Variants in DOT1L observed in about 807,000 individuals in gnomAD.
The protein encoded by DOT1L is DOT1 like histone lysine methyltransferase, also known as histone-lysine N-methyltransferase, H3 lysine-79 specific.
DOT1L carries 33 observed loss-of-function variants against 153.3 expected under a neutral mutation model. That is an observed-to-expected ratio of 0.22 (90% CI 0.16 to 0.29). The LOEUF (loss-of-function observed/expected upper bound fraction) is 0.29. DOT1L is among the 10% of genes least tolerant of loss of function. The probability of loss-of-function intolerance (pLI) is 1.00; values close to 1 mark genes in which losing one functional copy is unlikely to be tolerated. For synonymous variants in DOT1L, 1,135 were observed against 965.1 expected (o/e 1.18, Z -3.26); for missense variants, 1,847 against 2,119.9 (o/e 0.87, Z 2.53).
In DOT1L at chr19:2,216,646, G is replaced by C; in HGVS notation, c.2289G>C (p.Leu763=). The C allele has an allele frequency of 6.2e-7, 1 of 1,605,328 alleles. No individual in the cohort carries two copies. Among genetic ancestry groups the C allele is most frequent in the Non-Finnish European group, 8.5e-7 (1 of 1,179,904 alleles). ...SHVGRPRLEK[L]SGLAAPDYTR... is the part of the protein sequence containing the mutation. ...TCGGCCGGCCGCGCCTGGAGAAGCT[G>C]TCTGGCCTAGCCGCACCCGACTACA... The change falls in exon 20 of 28, where the codon CTG becomes CTC. Residue 763 remains leucine, a synonymous_variant. Coordinates refer to ENST00000398665, the MANE Select transcript of DOT1L (RefSeq NM_032482.3).
intron 22 of DOT1L, among the ~76,000 whole-genome samples, chr19:2,218,683 A>G (rs1373007714): frequency 1.4e-5 from 2 of 147,764 alleles, no homozygotes; most frequent in Non-Finnish European, 3.0e-5. Context: ...GTGAGCCACG[A>G]CGTCTGGCCT....
At chr19:2,187,694 G>A (rs575770897) in intron 3 of DOT1L, among the ~76,000 whole-genome samples, 31 of 152,204 alleles carry the variant, frequency 2.0e-4, no homozygotes, top group South Asian at 2.1e-4. Context: ...AGGCCGAGGC[G>A]GATGGATCAC....
In DOT1L at chr19:2,226,494, G is replaced by A; in HGVS notation, c.3973G>A (p.Asp1325Asn). 1.2e-6 allele frequency: 2 copies of A among 1,600,818 alleles called. No individual in the cohort carries two copies. The highest frequency in any genetic ancestry group is 1.7e-6 in the Non-Finnish European group (2 of 1,179,686). The change falls in exon 27 of 28, where the codon GAC becomes AAC. Residue 1325 changes from aspartate to asparagine, a missense_variant. Transcript: ENST00000398665. ...CACCTTCGGCGGGGGCCTGGCCGCG[G>A]ACCTGAGTTTACACAGCTTCAGTGA... ...GCTFGGGLAADLSLHSFSDGA... is the reference protein window; with the variant it reads ...GCTFGGGLAANLSLHSFSDGA...
chr19:2,225,961 C>G (rs1022716711), intron 26 of DOT1L, among the ~76,000 whole-genome samples: 2 of 152,192 alleles, frequency 1.3e-5, no homozygotes, highest in African/African-American at 4.8e-5. Context: ...CCGTCCCCTG[C>G]CATCTCATCC....
chr19:2,223,439 C>T lies in DOT1L; in HGVS notation c.3549C>T (p.Leu1183=), dbSNP rs1442003348. Residue 1183 remains leucine, a synonymous_variant, in exon 25 of 28, where the codon CTC becomes CTT. Coordinates refer to ENST00000398665, the MANE Select transcript of DOT1L (RefSeq NM_032482.3). ...CCAATGGGGCACACTACTCCCCACT[C>T]ACCTCAGACGAGGAGCCAGGCTCTG... The part of the protein sequence containing the change: ...SQTNGAHYSP[L]TSDEEPGSED... 6.2e-7 allele frequency: 1 copy of T among 1,613,268 alleles called. No homozygotes were observed. The highest frequency in any genetic ancestry group is 2.2e-5 in the East Asian group (1 of 44,870).
rs554142971 is a variant in DOT1L, at chr19:2,199,752, G to C, written c.652-132G>C. 9 of 1,248,654 alleles carry C rather than the reference G, an allele frequency of 7.2e-6. No individual in the cohort carries two copies. The East Asian group carries it at 1.7e-4, about 23-fold the overall frequency. The allele number at this position is 1,248,654 out of a possible 1,614,324, so 77.3% of individuals were successfully genotyped here. A position where few individuals can be genotyped will look rare whatever the true frequency, so the allele number is the denominator to read the frequency against. On this transcript the variant is annotated intron_variant, in intron 7 of 27. Coordinates refer to ENST00000398665, the MANE Select transcript of DOT1L (RefSeq NM_032482.3). ...CAGCTCCCAGGGCTGCAGCCGGTGG[G>C]GCCTGGGCCTCCTCCTGCTCCTTCA...
chr19:2,181,099 G>A (rs1242162761), intron 2 of DOT1L, among the ~76,000 whole-genome samples: 2 of 152,346 alleles, frequency 1.3e-5, no homozygotes, highest in East Asian at 3.9e-4. Flanking sequence ...TGCCCCATGG[G>A]TGCAGAGAGG....
At chr19:2,172,917 C>T (rs1460471615) in intron 1 of DOT1L, among the ~76,000 whole-genome samples, 1 of 151,202 alleles carries the variant, frequency 6.6e-6, no homozygotes, top group Non-Finnish European at 1.5e-5. Flanking sequence ...GCGGAGCTTG[C>T]AGTGAGCTGA....
At position 2,226,419 on chromosome 19, in the gene DOT1L, C is replaced by T. The variant is rs755172397; in HGVS notation, c.3898C>T (p.Leu1300=). Residue 1300 remains leucine (L), a synonymous_variant, in exon 27 of 28, where the codon CTG becomes TTG. Transcript: ENST00000398665. ...AHPRKGFPGS[L]SGADGLSPGT... ...CCCCAGGAAAGGCTTTCCCGGCTCCCTGTCGGGGGCTGACGGACTCAGCCC... is the reference window on the plus strand; with the variant it reads ...CCCCAGGAAAGGCTTTCCCGGCTCCTTGTCGGGGGCTGACGGACTCAGCCC... 5 of 1,599,316 alleles carry T rather than the reference C, an allele frequency of 3.1e-6. No individual in the cohort carries two copies. Among genetic ancestry groups the T allele is most frequent in the Non-Finnish European group, 2.5e-6 (3 of 1,177,168 alleles).
rs1318273996 is a variant in DOT1L at position 2,163,972 on chromosome 19, C to T, written c.-213C>T. Reference sequence around the variant, plus strand: ...ACGCCGGCCCAAGATGGCGGAGGCGCTGGAGGCCCCGGGCCTGTGACTACA... The same window carrying T: ...ACGCCGGCCCAAGATGGCGGAGGCGTTGGAGGCCCCGGGCCTGTGACTACA... On this transcript the variant is annotated 5_prime_UTR_variant, in exon 1 of 28. Transcript: ENST00000398665. Among the ~76,000 whole-genome samples the T allele has an allele frequency of 1.3e-5, 2 of 149,638 alleles. No individual in the cohort carries two copies. Among genetic ancestry groups the T allele is most frequent in the South Asian group, 2.1e-4 (1 of 4,828 alleles).
intron 19 of DOT1L, 138 bp from the exon 20 acceptor site, chr19:2,216,143 G>A: frequency 7.7e-7 from 1 of 1,306,622 alleles, no homozygotes; most frequent in Non-Finnish European, 1.0e-6. Flanking sequence ...CCTCTATGTG[G>A]TCGGCAGCTT....
chr19:2,229,433 G>A, intron 27 of DOT1L: 1 of 985,482 alleles, frequency 1.0e-6, no homozygotes, highest in Non-Finnish European at 1.2e-6. Flanking sequence ...TGTGGCCAGG[G>A]CTGGTCAGCC....
At chr19:2,169,884 C>T (rs573375825) in intron 1 of DOT1L, among the ~76,000 whole-genome samples, 3 of 152,268 alleles carry the variant, frequency 2.0e-5, no homozygotes, top group South Asian at 2.1e-4. Flanking sequence ...TGCCCAGGCA[C>T]GGTGGCTCAT....
chr19:2,189,522 C>T (rs550231983), intron 3 of DOT1L, among the ~76,000 whole-genome samples: 3 of 152,360 alleles, frequency 2.0e-5, no homozygotes, highest in East Asian at 1.9e-4. Flanking sequence ...ACCGGACTCT[C>T]GGCCGGCCAC....
At chr19:2,202,597 G>A (rs2023336874) in intron 8 of DOT1L, 103 bp from the exon 9 acceptor site, 8 of 1,192,232 alleles carry the variant, frequency 6.7e-6, no homozygotes, top group South Asian at 6.4e-5. Flanking sequence ...GCGGGCGGGT[G>A]TGGGCAGGGC....
At position 2,230,258 on chromosome 19, in the gene DOT1L, G is replaced by T; in HGVS notation, c.*466G>T. 1 of 425,928 alleles carries T rather than the reference G, an allele frequency of 2.3e-6. No homozygotes were observed. Among genetic ancestry groups the T allele is most frequent in the Non-Finnish European group, 4.1e-6 (1 of 242,912 alleles). The allele number at this position is 425,928 out of a possible 1,614,324, so 26.4% of individuals were successfully genotyped here. A position where few individuals can be genotyped will look rare whatever the true frequency, so the allele number is the denominator to read the frequency against. On this transcript the variant is annotated 3_prime_UTR_variant, in exon 28 of 28. Transcript: ENST00000398665. ...CCGTTCTCGGAAACGCCGCCCGGCC[G>T]GCTCCCCCGACGCGCTGCTCCCGTA...
At position 2,223,399 on chromosome 19, in the gene DOT1L, G is replaced by A; in HGVS notation, c.3509G>A (p.Arg1170Gln). The change falls in exon 25 of 28, where the codon CGG (arginine) becomes CAG (glutamine). Residue 1170 changes from arginine (R) to glutamine (Q), a missense_variant. Arg to Gln is a conservative substitution (Grantham distance 43). Around this residue, in one of 8 missense-constraint regions of DOT1L, gnomAD observed 934 missense variants for 825.3 expected, o/e 1.13. Transcript: ENST00000398665. ...HDQPPVLKKE[R>Q]PLSQTNGAHY... ...CAGCCCCCCGTGCTCAAGAAGGAGC[G>A]GCCTCTGAGCCAGACCAATGGGGCA... is the stretch of plus-strand genomic sequence containing the variant. 8 of 1,613,758 alleles carry A rather than the reference G, an allele frequency of 5.0e-6. No individual in the cohort carries two copies. The highest frequency in any genetic ancestry group is 1.1e-5 in the South Asian group (1 of 91,072).
chr19:2,191,948 G>A lies in DOT1L; in HGVS notation c.493+708G>A, dbSNP rs533767422. On this transcript the variant is annotated intron_variant, in intron 5 of 27. Transcript: ENST00000398665. The surrounding 1 kb of genome is among the most constrained non-coding windows in gnomAD (Gnocchi z 6.8). ...TGGCTGAAGCACAGATGAGCGGCCC[G>A]TACACGAACAGCCTCAGTAGCCTGA... Among the ~76,000 whole-genome samples the A allele has an allele frequency of 2.0e-4, 31 of 152,284 alleles. No homozygotes were observed. Among genetic ancestry groups the A allele is most frequent in the South Asian group, 6.2e-4 (3 of 4,824 alleles).
chr19:2,173,069 C>T (rs954738353), intron 1 of DOT1L, among the ~76,000 whole-genome samples: 3 of 152,092 alleles, frequency 2.0e-5, no homozygotes, highest in African/African-American at 7.2e-5. Context: ...TTGTCTAATT[C>T]CAGAACGTTC....
Sources: gnomAD v4.1 joint callset for allele counts (sites outside exome capture counted in the v4.1 genomes callset) on GRCh38, gnomAD v4.1.1 for gene constraint, gnomAD v4.1.1 regional missense constraint, Gnocchi (gnomAD v3.1) non-coding constraint, MANE v1.5 for transcripts, NCBI Gene and HGNC (gene_info 2026-07-23, HGNC 2026-07-21) for gene names.